COL4A4: variants seen among roughly 807,000 people sequenced by gnomAD.
COL4A4 encodes collagen type IV alpha 4 chain.
COL4A4 carries 105 observed loss-of-function variants against 192.9 expected under a neutral mutation model. The observed-to-expected ratio is 0.54, with a 90% confidence interval of 0.46 to 0.64. The LOEUF (loss-of-function observed/expected upper bound fraction) is 0.64, where lower values mean the gene tolerates loss of function less well. Ranked by LOEUF, COL4A4 falls within the 30% of genes least tolerant of loss-of-function variation. The pLI, the probability that COL4A4 is intolerant of heterozygous loss-of-function variation, is 0.00. For synonymous variants in COL4A4, 762 were observed against 769.9 expected, an observed-to-expected ratio of 0.99 and a Z score of 0.17; for missense variants, 1,967 against 2,169.3, an observed-to-expected ratio of 0.91 and a Z score of 1.85.
At chr2:227,042,967 GAA>G in intron 36 of COL4A4, 108 bp downstream of exon 36, 2 of 822,250 alleles carry the variant, frequency 2.4e-6, no homozygotes, top group South Asian at 1.5e-5. Context: ...ACAGGTCTGG[GAA>G]ATGGCAGAGC....
intron 9 of COL4A4, among the ~76,000 whole-genome samples, chr2:227,110,102 G>A (rs1221976778): frequency 1.3e-5 from 2 of 152,130 alleles, no homozygotes; most frequent in Non-Finnish European, 2.9e-5. Context: ...TCTACAACAT[G>A]TAAGTTGTAA....
rs186599271 is a variant in COL4A4 at position 227,070,558 on chromosome 2, T to C, written c.1987+7336A>G. Among the ~76,000 whole-genome samples, 135 of 152,240 alleles carry C rather than the reference T, an allele frequency of 8.9e-4. 2 individuals are homozygous for C. The East Asian group carries it at 0.021, about 24-fold the overall frequency. On this transcript the variant is annotated intron_variant, in intron 25 of 47. Coordinates refer to ENST00000396625, the MANE Select transcript of COL4A4 (RefSeq NM_000092.5). ...GCAGCCATAAAAAACAATGAGTGCA[T>C]GTCCTTTGTAGGGACATGGATGAAA...
chr2:227,142,533 C>A (rs1000249417), intron 3 of COL4A4, among the ~76,000 whole-genome samples: 26 of 152,266 alleles, frequency 1.7e-4, no homozygotes, highest in Admixed American at 1.7e-3. Flanking sequence ...GCTGGCAGAT[C>A]ACTTGAAGCC....
At chr2:227,011,047 G>T (rs536808509) in intron 45 of COL4A4, among the ~76,000 whole-genome samples, 2 of 152,130 alleles carry the variant, frequency 1.3e-5, no homozygotes, top group Non-Finnish European at 2.9e-5. Flanking sequence ...TCTCCTCTTC[G>T]AGAAGAGAGG....
At position 227,109,428 on chromosome 2, in the gene COL4A4, AAC is replaced by A. The variant is rs776629961; in HGVS notation, c.595-144_595-143del. ...ACATCTGCCCTGCTAGGACATTTTC[AAC>A]AGCAGCTTTGATGCAGCCCTAAAAG... On this transcript the variant is annotated intron_variant, in intron 9 of 47. Transcript: ENST00000396625. The A allele has an allele frequency of 3.8e-5, 29 of 764,414 alleles. 1 individual carries two copies. In the Admixed American group the frequency reaches 4.5e-4, roughly 12 times the overall value. The allele number at this position is 764,414 out of a possible 1,614,324, so 47.4% of individuals were successfully genotyped here. A position where few individuals can be genotyped will look rare whatever the true frequency, so the allele number is the denominator to read the frequency against.
intron 42 of COL4A4, among the ~76,000 whole-genome samples, chr2:227,026,168 A>G (rs1211905845): frequency 6.6e-6 from 1 of 152,174 alleles, no homozygotes; most frequent in East Asian, 1.9e-4. Flanking sequence ...TTAATTTGCC[A>G]AGTATAGGGT....
chr2:226,989,649 A>G, the COL4A4 span, among the ~76,000 whole-genome samples: 1 of 152,182 alleles, frequency 6.6e-6, no homozygotes, highest in Non-Finnish European at 1.5e-5. Context: ...GTCTGACCAT[A>G]TCTTGTCTAT....
intron 22 of COL4A4, among the ~76,000 whole-genome samples, chr2:227,085,087 C>T (rs548741077): frequency 9.9e-5 from 15 of 151,640 alleles, no homozygotes; most frequent in South Asian, 8.3e-4. Context: ...GCTGAGATTG[C>T]ACCATTGCAC....
chr2:227,001,023 A>G (rs1344171591), downstream of COL4A4, among the ~76,000 whole-genome samples: 1 of 152,052 alleles, frequency 6.6e-6, no homozygotes, highest in Non-Finnish European at 1.5e-5. Flanking sequence ...GCCCAGTCTC[A>G]GGTATGAAAA....
intron 4 of COL4A4, among the ~76,000 whole-genome samples, chr2:227,137,824 T>C (rs1360555650): frequency 6.6e-6 from 1 of 152,194 alleles, no homozygotes; most frequent in African/African-American, 2.4e-5. Flanking sequence ...CTCAAAGTCA[T>C]AAAATTTAGA....
intron 25 of COL4A4, among the ~76,000 whole-genome samples, chr2:227,072,437 A>T (rs1397309839): frequency 1.3e-5 from 2 of 152,020 alleles, no homozygotes; most frequent in Non-Finnish European, 2.9e-5. Context: ...CAAACCCAGA[A>T]TCAGATGGAT....
chr2:227,098,784 G>C lies in COL4A4; in HGVS notation c.1114C>G (p.Pro372Ala), dbSNP rs1234751719. 5.0e-6 allele frequency: 8 copies of C among 1,613,814 alleles called. No homozygotes were observed. The highest frequency in any genetic ancestry group is 6.8e-6 in the Non-Finnish European group (8 of 1,179,940). ...TCTCCATAGCGGCCAGGGAACCCTG[G>C]GTCCCCTGGTGGGCCTGCCAAAGAT... ...PLPLKGPPGD[P>A]GFPGRYGETG... Residue 372 changes from proline (P) to alanine (A), a missense_variant, in exon 19 of 48, where the codon CCA becomes GCA. Transcript: ENST00000396625.
chr2:227,144,038 A>G (rs1018305880), intron 3 of COL4A4, among the ~76,000 whole-genome samples: 3 of 152,254 alleles, frequency 2.0e-5, no homozygotes, highest in African/African-American at 7.2e-5. Context: ...ATTTAAACCA[A>G]GTCAGTTGTC....
chr2:227,158,182 C>T (rs2064504373), intron 1 of COL4A4, among the ~76,000 whole-genome samples: 1 of 152,060 alleles, frequency 6.6e-6, no homozygotes. Flanking sequence ...AAGACTCAAA[C>T]ATGATGATCA....
intron 11 of COL4A4, 34 bp downstream of exon 11, chr2:227,108,799 G>C: frequency 6.2e-7 from 1 of 1,605,940 alleles, no homozygotes; most frequent in African/African-American, 1.3e-5. Context: ...ATTGTTCAGG[G>C]CTCTATTGAT....
At chr2:227,140,375 A>G (rs1559724600) in intron 3 of COL4A4, 137 bp from the exon 4 acceptor site, 2 of 732,742 alleles carry the variant, frequency 2.7e-6, no homozygotes, top group Middle Eastern at 2.3e-4. Flanking sequence ...ATATAAAAAG[A>G]TGAAGAACTT....
At chr2:227,036,958 T>C (rs1466380622) in intron 37 of COL4A4, among the ~76,000 whole-genome samples, 1 of 152,202 alleles carries the variant, frequency 6.6e-6, no homozygotes, top group Non-Finnish European at 1.5e-5. Context: ...TCTTTCCAGT[T>C]CTTGTCATGC....
At chr2:227,128,116 T>C (rs765792954) in intron 4 of COL4A4, among the ~76,000 whole-genome samples, 12 of 151,896 alleles carry the variant, frequency 7.9e-5, no homozygotes, top group Non-Finnish European at 1.6e-4. Context: ...TGAAGGAAGG[T>C]GTAACTTATT....
At chr2:227,019,634 A>G (rs1381668550) in intron 44 of COL4A4, among the ~76,000 whole-genome samples, 1 of 152,038 alleles carries the variant, frequency 6.6e-6, no homozygotes, top group South Asian at 2.1e-4. Flanking sequence ...TCACCATCCC[A>G]TTCTCCCAAT....
Sources: allele counts gnomAD v4.1 joint callset (sites outside exome capture counted in the v4.1 genomes callset), GRCh38; gene constraint gnomAD v4.1.1; transcripts MANE v1.5; gene names NCBI Gene and HGNC (gene_info 2026-07-23, HGNC 2026-07-21).